CACNB2: variants seen among roughly 807,000 people sequenced by gnomAD.
CACNB2 encodes the protein calcium voltage-gated channel auxiliary subunit beta 2.
Under a neutral mutation model 73.3 loss-of-function variants are expected in CACNB2, and 42 were observed. That is an observed-to-expected ratio of 0.57 (90% CI 0.45 to 0.74). CACNB2 has a LOEUF of 0.74. Among genes scored for constraint, CACNB2 ranks in the 30% least tolerant of loss-of-function variants. CACNB2 has a pLI of 0.00. For synonymous variants in CACNB2, 348 were observed against 310.3 expected (o/e 1.12, Z -1.28); for missense variants, 940 against 853.0 (o/e 1.10, Z -1.27).
chr10:18,458,763 C>A (rs1419265465), intron 3 of CACNB2, among the ~76,000 whole-genome samples: 2 of 122,628 alleles, frequency 1.6e-5, no homozygotes, highest in African/African-American at 6.0e-5. Context: ...GTAAGGTGAA[C>A]TTTTTTTTTT....
At chr10:18,307,493 C>T (rs2039780642) in intron 2 of CACNB2, among the ~76,000 whole-genome samples, 1 of 152,124 alleles carries the variant, frequency 6.6e-6, no homozygotes, top group Non-Finnish European at 1.5e-5. Context: ...ATGCTTTTTC[C>T]TTCATGGCAT....
At chr10:18,251,983 A>G (rs1263112738) in intron 2 of CACNB2, among the ~76,000 whole-genome samples, 1 of 152,184 alleles carries the variant, frequency 6.6e-6, no homozygotes, top group Non-Finnish European at 1.5e-5. Context: ...ATAAAGAGTA[A>G]TAGTCTTCTT....
chr10:18,266,024 A>T (rs1205815688), intron 2 of CACNB2, among the ~76,000 whole-genome samples: 1 of 152,224 alleles, frequency 6.6e-6, no homozygotes, highest in East Asian at 1.9e-4. Context: ...CTTTTAGAGC[A>T]TTTAAATGTC....
intron 3 of CACNB2, among the ~76,000 whole-genome samples, chr10:18,420,117 G>A (rs774299135): frequency 6.6e-6 from 1 of 152,144 alleles, no homozygotes; most frequent in Non-Finnish European, 1.5e-5. Context: ...GTTCAAGATG[G>A]AGTCACTCTG....
chr10:18,292,772 C>T (rs1180517129), intron 2 of CACNB2, among the ~76,000 whole-genome samples: 1 of 152,138 alleles, frequency 6.6e-6, no homozygotes, highest in African/African-American at 2.4e-5. Context: ...AAAATAAGGG[C>T]TTTAGTTTCC....
rs920167711 is a variant in CACNB2, at chr10:18,357,472, C to A, written c.214-44452C>A. Among the ~76,000 whole-genome samples, 5 of 152,274 alleles carry A rather than the reference C, an allele frequency of 3.3e-5. No homozygotes were observed. In the East Asian group the frequency reaches 7.7e-4, roughly 24 times the overall value. On this transcript the variant is annotated intron_variant, in intron 2 of 13. Transcript: ENST00000324631. ...TGAGGAAGCAGTTCCATGGATAGGG[C>A]CACTGCATGGACGGATTAGCGGTGA... is the stretch of plus-strand genomic sequence containing the variant.
intron 2 of CACNB2, among the ~76,000 whole-genome samples, chr10:18,187,878 CT>C (rs2034223554): frequency 6.6e-6 from 1 of 152,094 alleles, no homozygotes; most frequent in Non-Finnish European, 1.5e-5. Flanking sequence ...ATGTTTCTGC[CT>C]TTTTAGGAAA....
At chr10:18,434,088 CAT>C (rs2046017331) in intron 3 of CACNB2, among the ~76,000 whole-genome samples, 1 of 152,050 alleles carries the variant, frequency 6.6e-6, no homozygotes, top group Non-Finnish European at 1.5e-5. Context: ...CATTTTAAAA[CAT>C]AGAACATTGG....
chr10:18,261,054 C>G lies in CACNB2; in HGVS notation c.213+110079C>G, dbSNP rs914798899. On this transcript the variant is annotated intron_variant, in intron 2 of 13. Coordinates refer to ENST00000324631, the MANE Select transcript of CACNB2 (RefSeq NM_201596.3). ...AGATCTCAAATTACGCCCCCCACCC[C>G]CAAAAAAAGACAAACAGGGGAGAAC... 57 of 1,420,274 alleles carry G rather than the reference C, an allele frequency of 4.0e-5. 1 individual carries two copies. The highest frequency in any genetic ancestry group is 5.2e-5 in the Non-Finnish European group (57 of 1,089,264). The allele number at this position is 1,420,274 out of a possible 1,614,324, so 88.0% of individuals were successfully genotyped here. A position where few individuals can be genotyped will look rare whatever the true frequency, so the allele number is the denominator to read the frequency against.
At chr10:18,358,675 A>G (rs1245297443) in intron 2 of CACNB2, among the ~76,000 whole-genome samples, 2 of 152,086 alleles carry the variant, frequency 1.3e-5, no homozygotes, top group African/African-American at 4.8e-5. Flanking sequence ...AATACTTACC[A>G]TATAAATAGA....
At chr10:18,324,344 A>T (rs1485826530) in intron 2 of CACNB2, among the ~76,000 whole-genome samples, 1 of 152,206 alleles carries the variant, frequency 6.6e-6, no homozygotes, top group African/African-American at 2.4e-5. Context: ...TGAATTTAAA[A>T]TATGGATTGG....
chr10:18,355,793 G>C (rs1037486542), intron 2 of CACNB2, among the ~76,000 whole-genome samples: 1 of 151,680 alleles, frequency 6.6e-6, no homozygotes, highest in Non-Finnish European at 1.5e-5. Context: ...CTGCCACCAC[G>C]CCTGCCTCAT....
At chr10:18,271,795 C>A (rs1446949969) in intron 2 of CACNB2, among the ~76,000 whole-genome samples, 2 of 152,094 alleles carry the variant, frequency 1.3e-5, no homozygotes, top group African/African-American at 4.8e-5. Context: ...GAGATAACAG[C>A]CAATTCTCTT....
intron 3 of CACNB2, among the ~76,000 whole-genome samples, chr10:18,416,379 C>T (rs1487397384): frequency 9.9e-5 from 15 of 152,172 alleles, no homozygotes; most frequent in Admixed American, 9.2e-4. Flanking sequence ...GGGCTGCTTC[C>T]ACCTCTTGGC....
rs114025604 is a variant in CACNB2, at chr10:18,455,914, T to C, written c.334-42441T>C. The stretch of plus-strand genomic sequence containing the variant: ...AGGCATGGCCTAGCTTGATGGTCCA[T>C]GAAGGATGCTCACTGAGGGTGACAT... On this transcript the variant is annotated intron_variant, in intron 3 of 13. Coordinates refer to ENST00000324631, the MANE Select transcript of CACNB2 (RefSeq NM_201596.3). 2.9e-3 allele frequency among the ~76,000 whole-genome samples: 440 copies of C among 152,330 alleles called. 4 individuals are homozygous for C. Among genetic ancestry groups the C allele is most frequent in the African/African-American group, 0.01 (426 of 41,582 alleles).
intron 2 of CACNB2, among the ~76,000 whole-genome samples, chr10:18,328,425 GTACTTT>G (rs2040669174): frequency 6.6e-6 from 1 of 152,130 alleles, no homozygotes; most frequent in South Asian, 2.1e-4. Flanking sequence ...GCTTACCTGG[GTACTTT>G]TGGCCTGGTT....
At chr10:18,344,647 C>T (rs1400135699) in intron 2 of CACNB2, among the ~76,000 whole-genome samples, 1 of 152,088 alleles carries the variant, frequency 6.6e-6, no homozygotes, top group Non-Finnish European at 1.5e-5. Context: ...GCTGGAATTA[C>T]AGGTGTGAAA....
intron 2 of CACNB2, among the ~76,000 whole-genome samples, chr10:18,320,239 C>T (rs1394381844): frequency 6.6e-6 from 1 of 152,170 alleles, no homozygotes; most frequent in Non-Finnish European, 1.5e-5. Flanking sequence ...ATTTTTCTAC[C>T]AGATTGGAAG....
chr10:18,434,635 A>C (rs530806758), intron 3 of CACNB2, among the ~76,000 whole-genome samples: 1 of 152,172 alleles, frequency 6.6e-6, no homozygotes, highest in South Asian at 2.1e-4. Flanking sequence ...TTCTGGGCTC[A>C]AACAATCCAC....
Sources: allele counts gnomAD v4.1 joint callset (sites outside exome capture counted in the v4.1 genomes callset), GRCh38; gene constraint gnomAD v4.1.1; transcripts MANE v1.5; gene names NCBI Gene and HGNC (gene_info 2026-07-23, HGNC 2026-07-21).